Variants in CHD9 observed in about 807,000 individuals in gnomAD.
CHD9 encodes the protein ATP-dependent chromatin remodeler CHD9.
In CHD9, 77 loss-of-function variants were observed where a neutral mutation model predicts 316.1. The ratio of observed to expected loss-of-function variants is 0.24; its 90% CI spans 0.20 to 0.29. CHD9 has a LOEUF of 0.29. Ranked by LOEUF, CHD9 falls within the 10% of genes least tolerant of loss-of-function variation. The probability of loss-of-function intolerance (pLI) is 1.00; values close to 1 mark genes in which losing one functional copy is unlikely to be tolerated. For synonymous variants in CHD9, 1,129 were observed against 1,158.3 expected (o/e 0.97, Z 0.51); for missense variants, 2,763 against 3,438.1 (o/e 0.80, Z 4.91).
chr16:53,057,465 C>A lies in CHD9; in HGVS notation c.-165+2388C>A, dbSNP rs536975155. 7.9e-5 allele frequency among the ~76,000 whole-genome samples: 12 copies of A among 151,962 alleles called. No homozygotes were observed. In the South Asian group the frequency reaches 2.1e-3, roughly 26 times the overall value. On this transcript the variant is annotated intron_variant, in intron 1 of 38. Transcript: ENST00000447540. ...GTCAAGAGTTCGAGACCAGCCTGGC[C>A]AACATGGCAAAACCCCGTCTCTACT... is the stretch of plus-strand genomic sequence containing the variant.
chr16:53,169,864 A>T (rs1215800976), intron 2 of CHD9, among the ~76,000 whole-genome samples: 1 of 152,190 alleles, frequency 6.6e-6, no homozygotes, highest in Non-Finnish European at 1.5e-5. Context: ...AAATTTCAGG[A>T]TCCAATCAAG....
chr16:53,108,056 C>A (rs756526852), intron 1 of CHD9, among the ~76,000 whole-genome samples: 2 of 152,136 alleles, frequency 1.3e-5, no homozygotes. Flanking sequence ...AAAGTTGGAG[C>A]CTTTCAAATA....
At chr16:53,181,574 AC>A (rs2043523689) in intron 2 of CHD9, among the ~76,000 whole-genome samples, 1 of 152,156 alleles carries the variant, frequency 6.6e-6, no homozygotes, top group Non-Finnish European at 1.5e-5. Flanking sequence ...TTCTGTGTAA[AC>A]TAAATTTTTT....
chr16:53,202,175 T>G (rs1327452222), intron 2 of CHD9, among the ~76,000 whole-genome samples: 1 of 152,138 alleles, frequency 6.6e-6, no homozygotes, highest in East Asian at 1.9e-4. Flanking sequence ...ATTTTTGTCT[T>G]TAAAACACAA....
At chr16:53,263,395 TTC>T (rs1221842846) in intron 20 of CHD9, among the ~76,000 whole-genome samples, 1 of 152,142 alleles carries the variant, frequency 6.6e-6, no homozygotes, top group East Asian at 1.9e-4. Context: ...TACATTTATT[TTC>T]TCTTTAATGT....
chr16:53,318,061 AAAAAT>A (rs1173740842), intron 36 of CHD9, 146 bp from the exon 37 acceptor site: 10 of 577,926 alleles, frequency 1.7e-5, no homozygotes, highest in South Asian at 2.9e-5. Context: ...TGTCTCAAAA[AAAAAT>A]AAAATAAAAA....
intron 1 of CHD9, among the ~76,000 whole-genome samples, chr16:53,068,950 A>G (rs1027860014): frequency 6.6e-6 from 1 of 152,152 alleles, no homozygotes; most frequent in African/African-American, 2.4e-5. Context: ...AATACACATG[A>G]CATTGAAATT....
intron 20 of CHD9, among the ~76,000 whole-genome samples, chr16:53,264,025 A>C (rs1159777682): frequency 6.6e-6 from 1 of 152,010 alleles, no homozygotes; most frequent in East Asian, 1.9e-4. Context: ...TAGGATATCT[A>C]CTTCACAGTA....
chr16:53,211,249 T>A (rs2046311228), intron 3 of CHD9, among the ~76,000 whole-genome samples: 1 of 152,108 alleles, frequency 6.6e-6, no homozygotes, highest in South Asian at 2.1e-4. Context: ...AGGCAAAAGA[T>A]ACCAGAAGTA....
At chr16:53,086,960 C>G (rs997117649) in intron 1 of CHD9, among the ~76,000 whole-genome samples, 1 of 152,184 alleles carries the variant, frequency 6.6e-6, no homozygotes, top group Non-Finnish European at 1.5e-5. Flanking sequence ...TTCTGCACCC[C>G]TTTTCCCTTC....
In CHD9 at chr16:53,324,090, G is replaced by A. The variant is rs1354315533; in HGVS notation, c.7889G>A (p.Arg2630Gln). 7 of 1,613,772 alleles carry A rather than the reference G, an allele frequency of 4.3e-6. No homozygotes were observed. The highest frequency in any genetic ancestry group is 1.7e-5 in the Admixed American group (1 of 59,980). ...GPVVREEVSR[R>Q]GRRPKSGIAK... Reference sequence around the variant, plus strand: ...GTTGTGAGAGAGGAAGTAAGCAGGCGGGGGAGACGGCCTAAAAGTGGAATT... The same window carrying A: ...GTTGTGAGAGAGGAAGTAAGCAGGCAGGGGAGACGGCCTAAAAGTGGAATT... The change falls in exon 39 of 39, where the codon CGG (arginine) becomes CAG (glutamine). Residue 2630 changes from arginine to glutamine, a missense_variant. This residue lies in a region of CHD9 where 298 missense variants were observed against 380.2 expected (regional missense o/e 0.78). Transcript: ENST00000447540.
At chr16:53,192,652 C>T (rs1305109940) in intron 2 of CHD9, among the ~76,000 whole-genome samples, 1 of 152,164 alleles carries the variant, frequency 6.6e-6, no homozygotes, top group Non-Finnish European at 1.5e-5. Flanking sequence ...TCAGTCTTTC[C>T]CCTAACCCTA....
intron 3 of CHD9, among the ~76,000 whole-genome samples, chr16:53,222,022 C>G (rs536307467): frequency 4.8e-4 from 73 of 151,042 alleles, no homozygotes; most frequent in Non-Finnish European, 8.1e-4. Flanking sequence ...GACTTGATTG[C>G]CTTTTTTTTT....
intron 1 of CHD9, among the ~76,000 whole-genome samples, chr16:53,147,192 G>A (rs1244639149): frequency 6.6e-6 from 1 of 152,206 alleles, no homozygotes; most frequent in East Asian, 1.9e-4. Flanking sequence ...ATTGGAGAGG[G>A]AAATAATGAC....
At position 53,307,707 on chromosome 16, in the gene CHD9, C is replaced by T; in HGVS notation, c.6807C>T (p.Asp2269=). 6.2e-7 allele frequency: 1 copy of T among 1,610,452 alleles called. No individual in the cohort carries two copies. Among genetic ancestry groups the T allele is most frequent in the Middle Eastern group, 1.7e-4 (1 of 6,052 alleles). Residue 2269 remains aspartate (D), a synonymous_variant, in exon 33 of 39, where the codon GAC becomes GAT. Coordinates refer to ENST00000447540, the MANE Select transcript of CHD9 (RefSeq NM_001308319.2). ...PKDRVMINRL[D]SICQTVLKGK... The stretch of plus-strand genomic sequence containing the variant: ...ATCGTGTGATGATCAATAGGTTGGA[C>T]AGTATTTGTCAAACAGTTCTGAAAG...
intron 1 of CHD9, among the ~76,000 whole-genome samples, chr16:53,109,217 G>A (rs1041994005): frequency 6.6e-6 from 1 of 152,252 alleles, no homozygotes; most frequent in African/African-American, 2.4e-5. Flanking sequence ...GGGGGCACAG[G>A]AAAAAGGCTG....
At chr16:53,071,856 C>T (rs193201785) in intron 1 of CHD9, among the ~76,000 whole-genome samples, 11 of 152,328 alleles carry the variant, frequency 7.2e-5, no homozygotes, top group Admixed American at 2.6e-4. Context: ...GGCATTTCCC[C>T]ATACCCCAGA....
intron 1 of CHD9, among the ~76,000 whole-genome samples, chr16:53,088,661 G>T (rs1020066909): frequency 2.0e-5 from 3 of 152,082 alleles, no homozygotes; most frequent in African/African-American, 7.2e-5. Flanking sequence ...ACAGGGCATT[G>T]CAGGGGTGTT....
chr16:53,314,262 C>A (rs2056711212), intron 34 of CHD9, 115 bp from the exon 35 acceptor site: 1 of 669,332 alleles, frequency 1.5e-6, no homozygotes, highest in Non-Finnish European at 2.3e-6. Flanking sequence ...AAAGTTTCTA[C>A]ATTAAAGATG....
Sources: allele counts gnomAD v4.1 joint callset (sites outside exome capture counted in the v4.1 genomes callset), GRCh38; gene constraint gnomAD v4.1.1; regional missense constraint gnomAD v4.1.1; transcripts MANE v1.5; gene names NCBI Gene and HGNC (gene_info 2026-07-23, HGNC 2026-07-21).